GSK3B: variants seen among roughly 807,000 people sequenced by gnomAD.
The protein encoded by GSK3B is glycogen synthase kinase 3 beta.
In GSK3B, 15 loss-of-function variants were observed where a neutral mutation model predicts 56.4. That is an observed-to-expected ratio of 0.27 (90% CI 0.18 to 0.41). The LOEUF (loss-of-function observed/expected upper bound fraction) is 0.41. Ranked by LOEUF, GSK3B falls within the 10% of genes least tolerant of loss-of-function variation. The pLI is 1.00. For missense variants in GSK3B, 300 were observed against 513.4 expected, an observed-to-expected ratio of 0.58 and a Z score of 4.02; for synonymous variants, 181 against 188.9, an observed-to-expected ratio of 0.96 and a Z score of 0.34.
intron 2 of GSK3B, among the ~76,000 whole-genome samples, chr3:119,974,320 C>A (rs988624944): frequency 3.3e-5 from 5 of 152,126 alleles, no homozygotes; most frequent in African/African-American, 1.2e-4. Context: ...AGTAGACTAG[C>A]CTATCAAACT....
intron 1 of GSK3B, among the ~76,000 whole-genome samples, chr3:120,020,390 T>C (rs2057866158): frequency 6.6e-6 from 1 of 152,236 alleles, no homozygotes; most frequent in Non-Finnish European, 1.5e-5. Context: ...TGAAGGTTTA[T>C]AGTAACCCCA....
chr3:120,028,392 T>C (rs2057946429), intron 1 of GSK3B, among the ~76,000 whole-genome samples: 2 of 152,182 alleles, frequency 1.3e-5, no homozygotes, highest in Admixed American at 6.5e-5. Context: ...CCCAACAAAC[T>C]ATTTGAAACC....
intron 7 of GSK3B, among the ~76,000 whole-genome samples, chr3:119,882,300 G>A (rs932869227): frequency 6.6e-6 from 1 of 152,052 alleles, no homozygotes. Context: ...GGTATACCAT[G>A]TGTGTGTACT....
Position 120,094,337 on chromosome 3 carries a change from C to T in GSK3B, c.-903G>A, listed in dbSNP as rs2058545417. 1 of 280,218 alleles carries T rather than the reference C, an allele frequency of 3.6e-6. No homozygotes were observed. Among genetic ancestry groups the T allele is most frequent in the South Asian group, 5.6e-5 (1 of 17,900 alleles). The allele number at this position is 280,218 out of a possible 1,614,324, so 17.4% of individuals were successfully genotyped here. Reference sequence around the variant, plus strand: ...CAGCCCAGAGCCCTGTCAGCGGCTGCGGGGCCGGCTCCTCCTCGCTTCCTT... The same window carrying T: ...CAGCCCAGAGCCCTGTCAGCGGCTGTGGGGCCGGCTCCTCCTCGCTTCCTT... On this transcript the variant is annotated 5_prime_UTR_variant, in exon 1 of 11. Coordinates refer to ENST00000264235, the MANE Select transcript of GSK3B (RefSeq NM_001146156.2).
At chr3:119,889,877 T>TA (rs2056482687) in intron 7 of GSK3B, among the ~76,000 whole-genome samples, 1 of 152,002 alleles carries the variant, frequency 6.6e-6, no homozygotes, top group Non-Finnish European at 1.5e-5. Context: ...ATAAGAAAGA[T>TA]AGAGTGCCTA....
Position 119,870,733 on chromosome 3 carries a change from T to C in GSK3B, c.909+5680A>G, listed in dbSNP as rs576623669. Reference sequence around the variant, plus strand: ...AACTTTCAGTAGAGAACATACTATATGTATTTGTGAGGCAAGTGAGAATGG... The same window carrying C: ...AACTTTCAGTAGAGAACATACTATACGTATTTGTGAGGCAAGTGAGAATGG... On this transcript the variant is annotated intron_variant, in intron 8 of 10. Coordinates refer to ENST00000264235, the MANE Select transcript of GSK3B (RefSeq NM_001146156.2). Among the ~76,000 whole-genome samples the C allele has an allele frequency of 2.0e-5, 3 of 152,282 alleles. No homozygotes were observed. In the East Asian group the frequency reaches 5.8e-4, roughly 29 times the overall value.
intron 2 of GSK3B, among the ~76,000 whole-genome samples, chr3:120,001,115 G>T (rs146842154): frequency 6.7e-6 from 1 of 149,662 alleles, no homozygotes; most frequent in Admixed American, 6.7e-5. Context: ...TAGTAGAGAC[G>T]GGGTAGAGCC....
intron 7 of GSK3B, among the ~76,000 whole-genome samples, chr3:119,883,036 G>A (rs574947206): frequency 6.6e-6 from 1 of 152,178 alleles, no homozygotes; most frequent in East Asian, 1.9e-4. Flanking sequence ...GCACAAAATG[G>A]CAAAGAAAAT....
At chr3:119,895,258 CTTCT>C (rs2056549281) in intron 7 of GSK3B, among the ~76,000 whole-genome samples, 1 of 152,124 alleles carries the variant, frequency 6.6e-6, no homozygotes, top group Non-Finnish European at 1.5e-5. Flanking sequence ...ACAGAATTTC[CTTCT>C]TTCTTAAGGC....
rs1412306121 is a variant in GSK3B at position 119,824,966 on chromosome 3, T to C, written c.*1822A>G. On this transcript the variant is annotated 3_prime_UTR_variant, in exon 11 of 11. Coordinates refer to ENST00000264235, the MANE Select transcript of GSK3B (RefSeq NM_001146156.2). ...CAACAGACTCCACTTCCGAACCCTC[T>C]GGAGGACGAGACCCATAAAGTGACC... 2 of 182,324 alleles carry C rather than the reference T, an allele frequency of 1.1e-5. No individual in the cohort carries two copies. Among genetic ancestry groups the C allele is most frequent in the African/African-American group, 2.4e-5 (1 of 42,436 alleles). The allele number at this position is 182,324 out of a possible 1,614,324, so 11.3% of individuals were successfully genotyped here. A position where few individuals can be genotyped will look rare whatever the true frequency, so the allele number is the denominator to read the frequency against.
intron 7 of GSK3B, among the ~76,000 whole-genome samples, chr3:119,878,802 A>AT (rs1254225482): frequency 6.6e-6 from 1 of 152,196 alleles, no homozygotes; most frequent in Non-Finnish European, 1.5e-5. Flanking sequence ...TCTAAAAATA[A>AT]TTAAGCTGAG....
chr3:119,913,683 G>A (rs1446244758), intron 5 of GSK3B, among the ~76,000 whole-genome samples: 1 of 151,494 alleles, frequency 6.6e-6, no homozygotes, highest in Non-Finnish European at 1.5e-5. Flanking sequence ...TAAAGGTACT[G>A]GAAAACCAGG....
At chr3:119,970,472 T>C (rs575559374) in intron 2 of GSK3B, among the ~76,000 whole-genome samples, 8 of 151,860 alleles carry the variant, frequency 5.3e-5, no homozygotes, top group African/African-American at 1.9e-4. Context: ...CTGGTGAGAA[T>C]AAAAAACAAA....
At chr3:119,851,084 AT>A (rs2055923978) in intron 9 of GSK3B, among the ~76,000 whole-genome samples, 1 of 152,206 alleles carries the variant, frequency 6.6e-6, no homozygotes, top group African/African-American at 2.4e-5. Flanking sequence ...CACGTAGTTT[AT>A]TAGGGAAAAC....
rs78770648 is a variant in GSK3B at position 119,871,111 on chromosome 3, A to T, written c.909+5302T>A. On this transcript the variant is annotated intron_variant, in intron 8 of 10. Coordinates refer to ENST00000264235, the MANE Select transcript of GSK3B (RefSeq NM_001146156.2). ...GGGGAAAAACTGTAGCATTATGGAC[A>T]AAGTCTTAAAAAGAAATAAGTACAG... 4.2e-3 allele frequency among the ~76,000 whole-genome samples: 644 copies of T among 152,342 alleles called. 1 individual carries two copies. Among genetic ancestry groups the T allele is most frequent in the African/African-American group, 0.015 (608 of 41,588 alleles).
intron 10 of GSK3B, 108 bp downstream of exon 10, chr3:119,843,147 T>G: frequency 3.6e-6 from 2 of 551,978 alleles, no homozygotes; most frequent in Admixed American, 2.2e-5. Flanking sequence ...ACTCCTGACC[T>G]CAGGTGATCC....
At position 119,992,932 on chromosome 3, in the gene GSK3B, T is replaced by C. The variant is rs140759947; in HGVS notation, c.282+9114A>G. Among the ~76,000 whole-genome samples the C allele has an allele frequency of 5.3e-5, 8 of 152,096 alleles. No individual in the cohort carries two copies. In the East Asian group the frequency reaches 1.5e-3, roughly 29 times the overall value. On this transcript the variant is annotated intron_variant, in intron 2 of 10. Coordinates refer to ENST00000264235, the MANE Select transcript of GSK3B (RefSeq NM_001146156.2). ...AAAATTTAAAAAGTAAGGCAACTTT[T>C]ATAGCCAAAACTATGGACCAACAGG...
chr3:119,971,537 G>C (rs2057365952), intron 2 of GSK3B, among the ~76,000 whole-genome samples: 1 of 149,778 alleles, frequency 6.7e-6, no homozygotes, highest in Admixed American at 6.6e-5. Context: ...TTATATATTT[G>C]GGTATACATC....
At chr3:120,076,577 A>G (rs571794750) in intron 1 of GSK3B, among the ~76,000 whole-genome samples, 1 of 152,202 alleles carries the variant, frequency 6.6e-6, no homozygotes, top group Admixed American at 6.5e-5. Context: ...GCACTTTGGG[A>G]GGCCGAGACG....
Sources: gnomAD v4.1 joint callset for allele counts (sites outside exome capture counted in the v4.1 genomes callset) on GRCh38, gnomAD v4.1.1 for gene constraint, MANE v1.5 for transcripts, NCBI Gene and HGNC (gene_info 2026-07-23, HGNC 2026-07-21) for gene names.